The following MYT1L variants were observed in gnomAD, a reference collection of about 807,000 sequenced individuals.
MYT1L encodes the protein myelin transcription factor 1-like protein.
In MYT1L, 12 loss-of-function variants were observed where a neutral mutation model predicts 126.7. The observed-to-expected ratio is 0.09, with a 90% confidence interval of 0.06 to 0.15. MYT1L has a LOEUF of 0.15. Ranked by LOEUF, MYT1L falls within the 10% of genes least tolerant of loss-of-function variation. The pLI, the probability that MYT1L is intolerant of heterozygous loss-of-function variation, is 1.00. For synonymous variants in MYT1L, 541 were observed against 604.2 expected, an observed-to-expected ratio of 0.90 and a Z score of 1.53; for missense variants, 979 against 1,585.2, an observed-to-expected ratio of 0.62 and a Z score of 6.49.
intron 1 of MYT1L, among the ~76,000 whole-genome samples, chr2:2,301,126 C>T (rs1385023685): frequency 6.6e-6 from 1 of 152,200 alleles, no homozygotes; most frequent in African/African-American, 2.4e-5. Context: ...AAAGAGTGTT[C>T]TGTAAACCCA....
chr2:2,007,954 G>T (rs1379344025), intron 4 of MYT1L, among the ~76,000 whole-genome samples: 1 of 152,200 alleles, frequency 6.6e-6, no homozygotes, highest in East Asian at 1.9e-4. Context: ...TTCTGCTAAG[G>T]TGTGGACATT....
chr2:1,918,233 G>T (rs951168815), intron 10 of MYT1L, among the ~76,000 whole-genome samples: 4 of 152,098 alleles, frequency 2.6e-5, no homozygotes. Context: ...TCTATACCCA[G>T]AATTGACTAC....
intron 8 of MYT1L, among the ~76,000 whole-genome samples, chr2:1,956,235 T>C (rs1241089747): frequency 1.6e-5 from 2 of 122,434 alleles, no homozygotes; most frequent in Non-Finnish European, 3.6e-5. Context: ...CTGTCTATCA[T>C]CTATCTATCC....
At chr2:1,836,173 T>C (rs1572696564) in intron 21 of MYT1L, among the ~76,000 whole-genome samples, 1 of 152,210 alleles carries the variant, frequency 6.6e-6, no homozygotes, top group East Asian at 1.9e-4. Context: ...GCCTGTAAGC[T>C]GTGATTTTAC....
At chr2:2,137,489 G>C (rs1469542533) in intron 3 of MYT1L, among the ~76,000 whole-genome samples, 1 of 152,130 alleles carries the variant, frequency 6.6e-6, no homozygotes, top group Admixed American at 6.5e-5. Context: ...TACCAAAACA[G>C]AGATATAGAT....
chr2:2,061,667 A>G (rs533067621), intron 3 of MYT1L, among the ~76,000 whole-genome samples: 5 of 152,162 alleles, frequency 3.3e-5, no homozygotes, highest in South Asian at 4.2e-4. Context: ...CTGTCACCCA[A>G]TGGACCTGTG....
intron 15 of MYT1L, 96 bp downstream of exon 15, chr2:1,891,941 A>G (rs917312503): frequency 4.9e-6 from 7 of 1,435,462 alleles, no homozygotes; most frequent in Admixed American, 2.8e-5. Context: ...TTTGCCCCAT[A>G]CAGCTGCCCC....
At chr2:1,833,416 A>G (rs1435465991) in intron 21 of MYT1L, among the ~76,000 whole-genome samples, 2 of 152,020 alleles carry the variant, frequency 1.3e-5, no homozygotes, top group Non-Finnish European at 1.5e-5. Context: ...TACTGTCCTC[A>G]GTCTGTGTTC....
intron 1 of MYT1L, among the ~76,000 whole-genome samples, chr2:2,315,100 G>C (rs554209739): frequency 6.6e-6 from 1 of 152,236 alleles, no homozygotes; most frequent in East Asian, 1.9e-4. Context: ...AGACTCACAT[G>C]GGGAACTCCA....
intron 4 of MYT1L, among the ~76,000 whole-genome samples, chr2:2,003,378 G>GT (rs1574402126): frequency 6.6e-6 from 1 of 152,160 alleles, no homozygotes; most frequent in Non-Finnish European, 1.5e-5. Context: ...ACAGTGAATA[G>GT]TAACAACCCA....
chr2:1,847,109 A>G lies in MYT1L; in HGVS notation c.2774+4532T>C, dbSNP rs114333982. 2.0e-3 allele frequency among the ~76,000 whole-genome samples: 311 copies of G among 152,266 alleles called. 2 individuals carry two copies. The highest frequency in any genetic ancestry group is 7.1e-3 in the African/African-American group (297 of 41,546). ...CATGCTGGAGGCTTCGATTTTGCGC[A>G]TTATTGTAAAAGAGCAGAGTGGAAG... On this transcript the variant is annotated intron_variant, in intron 19 of 24. Transcript: ENST00000647738.
intron 4 of MYT1L, among the ~76,000 whole-genome samples, chr2:2,008,258 AAGCCTTCCATG>A (rs1411487901): frequency 6.6e-6 from 1 of 152,094 alleles, no homozygotes; most frequent in Admixed American, 6.5e-5. Flanking sequence ...CTTAACCTAC[AAGCCTTCCATG>A]AGGTTGATTT....
intron 5 of MYT1L, among the ~76,000 whole-genome samples, chr2:1,991,124 G>A (rs189345115): frequency 1.8e-4 from 27 of 152,246 alleles, no homozygotes; most frequent in Admixed American, 4.6e-4. Context: ...TCTCAACTAC[G>A]TCTCTCATTC....
chr2:2,167,473 G>A lies in MYT1L; in HGVS notation c.-304+5399C>T, dbSNP rs192542176. ...AGCTCCCTGTCCTCCAGGCACTGGC[G>A]TTAGCTCCTCCAATCCACACTTCAC... On this transcript the variant is annotated intron_variant, in intron 3 of 24. Transcript: ENST00000647738. Among the ~76,000 whole-genome samples, 24 of 152,218 alleles carry A rather than the reference G, an allele frequency of 1.6e-4. No homozygotes were observed. The South Asian group carries it at 3.7e-3, about 24-fold the overall frequency.
chr2:2,074,380 G>C (rs1324567383), intron 3 of MYT1L, among the ~76,000 whole-genome samples: 1 of 152,218 alleles, frequency 6.6e-6, no homozygotes, highest in Non-Finnish European at 1.5e-5. Context: ...CACATCCACT[G>C]TGAGTCTGAG....
chr2:2,288,485 A>T (rs1204906521), intron 1 of MYT1L, among the ~76,000 whole-genome samples: 3 of 152,250 alleles, frequency 2.0e-5, no homozygotes, highest in Non-Finnish European at 2.9e-5. Flanking sequence ...CCTCATGTGC[A>T]GTTTACCTGG....
At chr2:1,918,135 G>C (rs944106505) in intron 10 of MYT1L, among the ~76,000 whole-genome samples, 4 of 152,114 alleles carry the variant, frequency 2.6e-5, no homozygotes, top group Non-Finnish European at 5.9e-5. Flanking sequence ...GCAAGTACCA[G>C]TCAAGGGCAA....
rs137877330 is a variant in MYT1L at position 2,209,232 on chromosome 2, T to C, written c.-420-36244A>G. ...GGGTCTCCATCGCCTCAAGCATTTA[T>C]CCTTTGTGTTACAAAAAAAATCCAA... On this transcript the variant is annotated intron_variant, in intron 2 of 24. Coordinates refer to ENST00000647738, the MANE Select transcript of MYT1L (RefSeq NM_001303052.2). 1.5e-3 allele frequency among the ~76,000 whole-genome samples: 234 copies of C among 152,332 alleles called. 1 individual carries two copies. Among genetic ancestry groups the C allele is most frequent in the African/African-American group, 5.1e-3 (211 of 41,576 alleles).
At position 1,853,811 on chromosome 2, in the gene MYT1L, TCTG is replaced by T. The variant is rs562117422; in HGVS notation, c.2712-2111_2712-2109del. Reference sequence around the variant, plus strand: ...GTTGGGGCAGAAGGAAGTTGACTCTTCTGCTCAAATTTAAAGTGAGATATTATA... The same window carrying T: ...GTTGGGGCAGAAGGAAGTTGACTCTTCTCAAATTTAAAGTGAGATATTATA... On this transcript the variant is annotated intron_variant, in intron 18 of 24. Transcript: ENST00000647738. Among the ~76,000 whole-genome samples, 191 of 152,284 alleles carry T rather than the reference TCTG, an allele frequency of 1.3e-3. 1 individual carries two copies. Among genetic ancestry groups the T allele is most frequent in the Admixed American group, 3.0e-3 (46 of 15,294 alleles).
Sources: allele counts gnomAD v4.1 joint callset (sites outside exome capture counted in the v4.1 genomes callset), GRCh38; gene constraint gnomAD v4.1.1; transcripts MANE v1.5; gene names NCBI Gene and HGNC (gene_info 2026-07-23, HGNC 2026-07-21).